Variants in P3H3 observed in about 807,000 individuals in gnomAD.
P3H3 encodes the protein gene rich cluster, B.
P3H3 carries 64 observed loss-of-function variants against 78.1 expected under a neutral mutation model. The observed-to-expected ratio is 0.82, with a 90% CI of 0.67 to 1.01. P3H3 has a LOEUF of 1.01. Among genes scored for constraint, P3H3 ranks in the 50% least tolerant of loss-of-function variants. The probability of loss-of-function intolerance (pLI) is 0.00; values close to 1 mark genes in which losing one functional copy is unlikely to be tolerated. For synonymous variants in P3H3, 425 were observed against 416.7 expected, an observed-to-expected ratio of 1.02 and a Z score of -0.24; for missense variants, 975 against 982.2, an observed-to-expected ratio of 0.99 and a Z score of 0.10.
rs782218170 is a variant in P3H3 at position 6,835,217 on chromosome 12, A to G, written c.1458+1168A>G. 2.0e-5 allele frequency among the ~76,000 whole-genome samples: 3 copies of G among 152,300 alleles called. No individual in the cohort carries two copies. In the East Asian group the frequency reaches 5.8e-4, roughly 29 times the overall value. On this transcript the variant is annotated intron_variant, in intron 9 of 14. Transcript: ENST00000290510. ...TTTGCTCATCTATAAAATGAGGATA[A>G]TAATAGTGTTTTTGTCATAGTGTCG... is the stretch of plus-strand genomic sequence containing the variant.
intron 6 of P3H3, among the ~76,000 whole-genome samples, chr12:6,832,882 C>T (rs782592535): frequency 1.2e-3 from 8 of 6,408 alleles, no homozygotes; most frequent in Non-Finnish European, 2.0e-3. Context: ...GGATTACAGG[C>T]GTGAGCCACC....
chr12:6,830,660 A>C lies in P3H3; in HGVS notation c.875A>C (p.Gln292Pro), dbSNP rs1555121242. 3.7e-6 allele frequency: 6 copies of C among 1,612,866 alleles called. No homozygotes were observed. The highest frequency in any genetic ancestry group is 5.1e-6 in the Non-Finnish European group (6 of 1,179,490). Residue 292 changes from glutamine (Q) to proline (P), a missense_variant, in exon 4 of 15, where the codon CAG becomes CCG. By Grantham distance (76) the Gln-to-Pro change is moderately conservative. Transcript: ENST00000290510. ...AIAGHWIQVL[Q>P]CRQRCVGETA... Reference sequence around the variant, plus strand: ...GCAGGACACTGGATTCAGGTCCTGCAGTGCCGGCAACGCTGTGTGGGGGAA... The same window carrying C: ...GCAGGACACTGGATTCAGGTCCTGCCGTGCCGGCAACGCTGTGTGGGGGAA...
Position 6,831,196 on chromosome 12 carries a change from C to T in P3H3, c.986-20C>T, listed in dbSNP as rs782605370. The T allele has an allele frequency of 1.9e-6, 3 of 1,613,710 alleles. No individual in the cohort carries two copies. In the South Asian group the frequency reaches 3.3e-5, roughly 18 times the overall value. ...TAAGTATTCATCCCCCAACCCCTGA[C>T]CTTGTCGCTCCCTCTCCAGTGGGCA... On this transcript the variant is annotated intron_variant, in intron 4 of 14. Coordinates refer to ENST00000290510, the MANE Select transcript of P3H3 (RefSeq NM_014262.5). The surrounding 1 kb of genome is among the most constrained non-coding windows in gnomAD (Gnocchi z 4.6).
rs782560643 is a variant in P3H3, at chr12:6,838,980, A to G, written c.1906-20A>G. 6.4e-7 allele frequency: 1 copy of G among 1,559,936 alleles called. No individual in the cohort carries two copies. Among genetic ancestry groups the G allele is most frequent in the Admixed American group, 1.9e-5 (1 of 53,060 alleles). ...TGAGAGAGCCAATCCCTGGAGCTGA[A>G]CCTGCCCTCATCCCTCCAGGCTCGG... is the stretch of plus-strand genomic sequence containing the variant. On this transcript the variant is annotated intron_variant, in intron 13 of 14. Coordinates refer to ENST00000290510, the MANE Select transcript of P3H3 (RefSeq NM_014262.5).
chr12:6,830,339 C>A lies in P3H3; in HGVS notation c.652-14C>A. 1 of 1,567,358 alleles carries A rather than the reference C, an allele frequency of 6.4e-7. No individual in the cohort carries two copies. The highest frequency in any genetic ancestry group is 1.2e-5 in the South Asian group (1 of 84,966). On this transcript the variant is annotated splice_polypyrimidine_tract_variant and intron_variant, in intron 2 of 14. Transcript: ENST00000290510. ...CCTGGATCTTAGGTGACTGACTGCT[C>A]CCTTCCCCAACAGGCAGCCTATGAC... is the stretch of plus-strand genomic sequence containing the variant.
chr12:6,828,841 G>C lies in P3H3; in HGVS notation c.401G>C (p.Gly134Ala). 8.0e-7 allele frequency: 1 copy of C among 1,244,124 alleles called. No individual in the cohort carries two copies. Among genetic ancestry groups the C allele is most frequent in the Non-Finnish European group, 1.0e-6 (1 of 994,052 alleles). The allele number at this position is 1,244,124 out of a possible 1,614,324, so 77.1% of individuals were successfully genotyped here. The change falls in exon 1 of 15, where the codon GGC becomes GCC. Residue 134 changes from glycine to alanine, a missense_variant. By Grantham distance (60) the Gly-to-Ala change is moderately conservative. Transcript: ENST00000290510. ...CLTQCAARRLGPGGAARLRVG... is the reference protein window; with the variant it reads ...CLTQCAARRLAPGGAARLRVG... The stretch of plus-strand genomic sequence containing the variant: ...ACCCAGTGCGCAGCACGGAGGCTGG[G>C]CCCCGGGGGCGCGGCGCGGCTTCGC...
chr12:6,830,841 A>G (rs1326751083), intron 4 of P3H3, 71 bp downstream of exon 4: 2 of 1,580,314 alleles, frequency 1.3e-6, no homozygotes, highest in East Asian at 2.2e-5. Flanking sequence ...CCATCTCTCT[A>G]TCCCTCCCAT....
chr12:6,831,008 G>A lies in P3H3; in HGVS notation c.986-208G>A. 2.4e-6 allele frequency: 2 copies of A among 831,860 alleles called. No individual in the cohort carries two copies. Among genetic ancestry groups the A allele is most frequent in the Non-Finnish European group, 2.0e-6 (1 of 496,816 alleles). The allele number at this position is 831,860 out of a possible 1,614,324, so 51.5% of individuals were successfully genotyped here. On this transcript the variant is annotated intron_variant, in intron 4 of 14. Transcript: ENST00000290510. This position sits in a 1 kb window ranked among gnomAD's most constrained non-coding sequence, Gnocchi z 4.6. The stretch of plus-strand genomic sequence containing the variant: ...ACCTTCCTTTATTTTCCCCCCTCTT[G>A]CTCTTCTTTGAACTCTCCAGCTAAG...
chr12:6,836,783 G>A (rs868975015), intron 9 of P3H3, among the ~76,000 whole-genome samples: 3 of 152,308 alleles, frequency 2.0e-5, no homozygotes, highest in South Asian at 2.1e-4. Context: ...ATTCCAGCCC[G>A]TACCAGAGAG....
Position 6,828,574 on chromosome 12 carries a change from T to C in P3H3, c.134T>C (p.Leu45Pro). 2 of 1,228,536 alleles carry C rather than the reference T, an allele frequency of 1.6e-6. No homozygotes were observed. Among genetic ancestry groups the C allele is most frequent in the Non-Finnish European group, 2.0e-6 (2 of 985,728 alleles). 76.1% of individuals were successfully genotyped at this position (1,228,536 alleles called of 1,614,324 possible). A position where few individuals can be genotyped will look rare whatever the true frequency, so the allele number is the denominator to read the frequency against. ...CCCGACTTGCTCTACGCTGACGGGCTGCGCGCCTACGCGGCCGGGGCTTGG... is the reference window on the plus strand; with the variant it reads ...CCCGACTTGCTCTACGCTGACGGGCCGCGCGCCTACGCGGCCGGGGCTTGG... ...QAPDLLYADG[L>P]RAYAAGAWAP... is the part of the protein sequence containing the mutation. The change falls in exon 1 of 15, where the codon CTG becomes CCG. Residue 45 changes from leucine (L) to proline (P), a missense_variant. Leu to Pro is a moderately conservative substitution (Grantham distance 98, BLOSUM62 -3). Coordinates refer to ENST00000290510, the MANE Select transcript of P3H3 (RefSeq NM_014262.5).
Position 6,839,330 on chromosome 12 carries a change from T to G in P3H3, c.2080T>G (p.Ser694Ala), listed in dbSNP as rs1943535796. The G allele has an allele frequency of 1.3e-6, 2 of 1,552,232 alleles. No individual in the cohort carries two copies. The highest frequency in any genetic ancestry group is 1.4e-5 in the African/African-American group (1 of 72,534). Residue 694 changes from serine to alanine, a missense_variant, in exon 15 of 15, where the codon TCA becomes GCA. Physicochemically the swap from Ser to Ala is moderately conservative, Grantham distance 99. Transcript: ENST00000290510. ...AGAAGCCAAAGAACTGCTGCAGGAGTCACAGGAGGAGGAGGAAGAGGAAGA... is the reference window on the plus strand; with the variant it reads ...AGAAGCCAAAGAACTGCTGCAGGAGGCACAGGAGGAGGAGGAAGAGGAAGA... ...WIEAKELLQE[S>A]QEEEEEEEEE...
In P3H3 at chr12:6,829,696, G is replaced by C. The variant is rs868959931; in HGVS notation, c.499-163G>C. On this transcript the variant is annotated intron_variant, in intron 1 of 14. Coordinates refer to ENST00000290510, the MANE Select transcript of P3H3 (RefSeq NM_014262.5). The surrounding 1 kb of genome is among the most constrained non-coding windows in gnomAD (Gnocchi z 5.1). ...GAGTCCCAACGTTCTGGCCTCTAGG[G>C]GATCTGCAGTTCGGGCGGTGGGCGG... The C allele has an allele frequency of 2.9e-6, 2 of 696,828 alleles. No homozygotes were observed. Among genetic ancestry groups the C allele is most frequent in the Admixed American group, 5.4e-5 (2 of 36,726 alleles). The allele number at this position is 696,828 out of a possible 1,614,324, so 43.2% of individuals were successfully genotyped here. A position where few individuals can be genotyped will look rare whatever the true frequency, so the allele number is the denominator to read the frequency against.
intron 6 of P3H3, among the ~76,000 whole-genome samples, chr12:6,832,595 T>A (rs1054847415): frequency 1.4e-4 from 22 of 152,116 alleles, no homozygotes; most frequent in Non-Finnish European, 3.1e-4. Flanking sequence ...GAAGCTAGTT[T>A]TTTTTATTTT....
Position 6,831,283 on chromosome 12 carries a change from T to C in P3H3, c.1053T>C (p.Ala351=). Residue 351 remains alanine (A), a synonymous_variant, in exon 5 of 15, where the codon GCT becomes GCC. Coordinates refer to ENST00000290510, the MANE Select transcript of P3H3 (RefSeq NM_014262.5). The surrounding 1 kb of genome is among the most constrained non-coding windows in gnomAD (Gnocchi z 4.6). Reference sequence around the variant, plus strand: ...TGCTCTTCTACCCGGAGGATGAGGCTGCCAAGAGGGCTCTGAACCAGTACC... The same window carrying C: ...TGCTCTTCTACCCGGAGGATGAGGCCGCCAAGAGGGCTCTGAACCAGTACC... ...SVLLFYPEDE[A]AKRALNQYQA... is the part of the protein sequence containing the mutation. 6.2e-7 allele frequency: 1 copy of C among 1,613,894 alleles called. No homozygotes were observed. The highest frequency in any genetic ancestry group is 1.1e-5 in the South Asian group (1 of 91,080).
At chr12:6,836,947 TG>T in intron 9 of P3H3, 37 bp from the exon 10 acceptor site, 2 of 1,500,322 alleles carry the variant, frequency 1.3e-6, no homozygotes. Context: ...AGTGAGGGGC[TG>T]GGGGAGTGAC....
chr12:6,831,741 A>T lies in P3H3; in HGVS notation c.1123-84A>T. On this transcript the variant is annotated intron_variant, in intron 5 of 14. Coordinates refer to ENST00000290510, the MANE Select transcript of P3H3 (RefSeq NM_014262.5). This position sits in a 1 kb window ranked among gnomAD's most constrained non-coding sequence, Gnocchi z 4.6. Reference sequence around the variant, plus strand: ...GGGCATGGTGCCAGGTTCAAGGAGCATGGAGCACCCAGGCAGTGCCCTAGA... The same window carrying T: ...GGGCATGGTGCCAGGTTCAAGGAGCTTGGAGCACCCAGGCAGTGCCCTAGA... The T allele has an allele frequency of 2.4e-6, 2 of 843,312 alleles. No individual in the cohort carries two copies. The highest frequency in any genetic ancestry group is 2.9e-5 in the South Asian group (2 of 69,716). 52.2% of individuals were successfully genotyped at this position (843,312 alleles called of 1,614,324 possible). A position where few individuals can be genotyped will look rare whatever the true frequency, so the allele number is the denominator to read the frequency against.
chr12:6,837,231 G>T, intron 10 of P3H3, 145 bp downstream of exon 10: 1 of 993,640 alleles, frequency 1.0e-6, no homozygotes, highest in African/African-American at 1.6e-5. Context: ...TGGAGAAAAG[G>T]GATGTTCTGA....
chr12:6,839,341 G>C lies in P3H3; in HGVS notation c.2091G>C (p.Glu697Asp). The C allele has an allele frequency of 6.4e-7, 1 of 1,553,780 alleles. No homozygotes were observed. The highest frequency in any genetic ancestry group is 8.7e-7 in the Non-Finnish European group (1 of 1,148,084). ...AACTGCTGCAGGAGTCACAGGAGGA[G>C]GAGGAAGAGGAAGAGGAAGAAATGC... ...AKELLQESQE[E>D]EEEEEEEMPS... is the part of the protein sequence containing the mutation. The change falls in exon 15 of 15, where the codon GAG becomes GAC. Residue 697 changes from glutamate (E) to aspartate (D), a missense_variant. Glu to Asp is a conservative substitution (Grantham distance 45). Transcript: ENST00000290510.
At position 6,828,868 on chromosome 12, in the gene P3H3, T is replaced by C; in HGVS notation, c.428T>C (p.Val143Ala). The stretch of plus-strand genomic sequence containing the variant: ...CCCGGGGGCGCGGCGCGGCTTCGCG[T>C]GGGGAGCGCGCTCCGGGACGCCTTC... Reference protein sequence around the residue: ...LGPGGAARLRVGSALRDAFRR... With the variant: ...LGPGGAARLRAGSALRDAFRR... Residue 143 changes from valine (V) to alanine (A), a missense_variant, in exon 1 of 15, where the codon GTG becomes GCG. By Grantham distance (64) the Val-to-Ala change is moderately conservative. Coordinates refer to ENST00000290510, the MANE Select transcript of P3H3 (RefSeq NM_014262.5). 1 of 1,246,694 alleles carries C rather than the reference T, an allele frequency of 8.0e-7. No homozygotes were observed. Among genetic ancestry groups the C allele is most frequent in the Non-Finnish European group, 1.0e-6 (1 of 995,422 alleles). 77.2% of individuals were successfully genotyped at this position (1,246,694 alleles called of 1,614,324 possible).
Sources: gnomAD v4.1 joint callset for allele counts (sites outside exome capture counted in the v4.1 genomes callset) on GRCh38, gnomAD v4.1.1 for gene constraint, Gnocchi (gnomAD v3.1) non-coding constraint, MANE v1.5 for transcripts, NCBI Gene and HGNC (gene_info 2026-07-23, HGNC 2026-07-21) for gene names.